TNFSF8: variants seen among roughly 807,000 people sequenced by gnomAD.
TNFSF8 encodes tumor necrosis factor ligand superfamily member 8.
Under a neutral mutation model 22.0 loss-of-function variants are expected in TNFSF8, and 4 were observed. That is an observed-to-expected ratio of 0.18 (90% CI 0.09 to 0.42). The LOEUF is 0.42. Ranked by LOEUF, TNFSF8 falls within the 10% of genes least tolerant of loss-of-function variation. The pLI is 1.00. For missense variants in TNFSF8, 233 were observed against 281.8 expected (o/e 0.83, Z 1.24); for synonymous variants, 106 against 112.5 (o/e 0.94, Z 0.37).
At chr9:114,929,085 C>A (rs1487142142) in intron 1 of TNFSF8, among the ~76,000 whole-genome samples, 3 of 152,176 alleles carry the variant, frequency 2.0e-5, no homozygotes, top group Non-Finnish European at 4.4e-5. Flanking sequence ...TCAAAAAATT[C>A]ATGAGCAATA....
At chr9:114,914,425 G>A (rs912504911) in intron 2 of TNFSF8, among the ~76,000 whole-genome samples, 6 of 152,142 alleles carry the variant, frequency 3.9e-5, no homozygotes, top group African/African-American at 1.4e-4. Flanking sequence ...CTCTGATTTG[G>A]GCAAATAAGC....
intron 4 of TNFSF8, among the ~76,000 whole-genome samples, chr9:114,894,628 A>G (rs561134693): frequency 6.6e-6 from 1 of 152,316 alleles, no homozygotes; most frequent in Non-Finnish European, 1.5e-5. Context: ...CAACATGGGA[A>G]TGGTCATCTC....
At chr9:114,919,230 C>T (rs894135962) in intron 1 of TNFSF8, among the ~76,000 whole-genome samples, 1 of 151,860 alleles carries the variant, frequency 6.6e-6, no homozygotes, top group Non-Finnish European at 1.5e-5. Flanking sequence ...AATATGTATA[C>T]ACATGTAGTA....
intron 2 of TNFSF8, among the ~76,000 whole-genome samples, chr9:114,909,638 T>C (rs748145647): frequency 6.6e-6 from 1 of 152,196 alleles, no homozygotes; most frequent in Non-Finnish European, 1.5e-5. Flanking sequence ...CTGTATAGAC[T>C]CAGCCATCCC....
intron 1 of TNFSF8, among the ~76,000 whole-genome samples, chr9:114,926,854 TTCTTTTC>T (rs1249036548): frequency 6.6e-6 from 1 of 151,350 alleles, no homozygotes; most frequent in African/African-American, 2.4e-5. Context: ...GATTTTTACT[TTCTTTTC>T]TCTTATTTGC....
chr9:114,901,833 C>T lies in TNFSF8; in HGVS notation c.*2098G>A. On this transcript the variant is annotated 3_prime_UTR_variant, in exon 4 of 4. Transcript: ENST00000223795. ...GACCTAGGAGGAGGTTGACACAGCA[C>T]ACTGCTCAGCAGATGACTTAAAATT... is the stretch of plus-strand genomic sequence containing the variant. The T allele has an allele frequency of 1.1e-6, 1 of 951,792 alleles. No individual in the cohort carries two copies. The highest frequency in any genetic ancestry group is 1.3e-6 in the Non-Finnish European group (1 of 799,398). The allele number at this position is 951,792 out of a possible 1,614,324, so 59.0% of individuals were successfully genotyped here.
intron 1 of TNFSF8, among the ~76,000 whole-genome samples, chr9:114,925,177 G>A (rs1032514658): frequency 7.0e-4 from 107 of 152,276 alleles, no homozygotes; most frequent in African/African-American, 2.2e-3. Flanking sequence ...ACTGCTTTAC[G>A]GACAGAAATG....
rs535934031 is a variant in TNFSF8 at position 114,920,916 on chromosome 9, G to A, written c.196-2778C>T. Among the ~76,000 whole-genome samples the A allele has an allele frequency of 3.3e-5, 5 of 152,216 alleles. No homozygotes were observed. The East Asian group carries it at 7.7e-4, about 24-fold the overall frequency. Reference sequence around the variant, plus strand: ...ACTCCTGACCTCTTGTGATCTGCCCGCCTGGGCCTCCCAAAGTGCTGGGAT... The same window carrying A: ...ACTCCTGACCTCTTGTGATCTGCCCACCTGGGCCTCCCAAAGTGCTGGGAT... On this transcript the variant is annotated intron_variant, in intron 1 of 3. Coordinates refer to ENST00000223795, the MANE Select transcript of TNFSF8 (RefSeq NM_001244.4).
At chr9:114,899,019 A>G (rs1827685584), downstream of TNFSF8, among the ~76,000 whole-genome samples, 1 of 152,180 alleles carries the variant, frequency 6.6e-6, no homozygotes, top group Non-Finnish European at 1.5e-5. Flanking sequence ...CTACATCAGC[A>G]GAACGGATGC....
chr9:114,904,036 G>C lies in TNFSF8; in HGVS notation c.600C>G (p.Val200=). The C allele has an allele frequency of 6.2e-7, 1 of 1,614,092 alleles. No individual in the cohort carries two copies. Among genetic ancestry groups the C allele is most frequent in the African/African-American group, 1.3e-5 (1 of 75,036 alleles). The change falls in exon 4 of 4, where the codon GTC becomes GTG. Residue 200 remains valine, a synonymous_variant. Transcript: ENST00000223795. ...LSQFLLDYLQ[V]NTTISVNVDT... ...CCACATTGACTGATATGGTGGTGTT[G>C]ACCTGCAGGTAATCCAGCAAGAATT...
In TNFSF8 at chr9:114,901,349, T is replaced by C. The variant is rs75961167; in HGVS notation, c.*2582A>G. ...TCTTTTTTTGTTTGTTTGGTTACAT[T>C]ATTCATTTAAATGATGTACCCCTTG... On this transcript the variant is annotated 3_prime_UTR_variant, in exon 4 of 4. Coordinates refer to ENST00000223795, the MANE Select transcript of TNFSF8 (RefSeq NM_001244.4). 1.9e-3 allele frequency: 1,920 copies of C among 985,364 alleles called. 32 individuals are homozygous for C. In the African/African-American group the frequency reaches 0.031, roughly 16 times the overall value. The allele number at this position is 985,364 out of a possible 1,614,324, so 61.0% of individuals were successfully genotyped here.
chr9:114,912,180 TA>T (rs1390650790), intron 2 of TNFSF8, among the ~76,000 whole-genome samples: 2 of 152,118 alleles, frequency 1.3e-5, no homozygotes, highest in Non-Finnish European at 2.9e-5. Flanking sequence ...GTGAGAATAA[TA>T]AAATAACTGT....
chr9:114,893,985 G>T, exon 5 of TNFSF8: 1 of 1,044,084 alleles, frequency 9.6e-7, no homozygotes, highest in Non-Finnish European at 1.4e-6. Context: ...TAGGCCCAGA[G>T]TGACTGGTAC....
Position 114,902,584 on chromosome 9 carries a change from C to T in TNFSF8, c.*1347G>A. 1.0e-6 allele frequency: 1 copy of T among 985,412 alleles called. No individual in the cohort carries two copies. Among genetic ancestry groups the T allele is most frequent in the South Asian group, 4.7e-5 (1 of 21,290 alleles). The allele number at this position is 985,412 out of a possible 1,614,324, so 61.0% of individuals were successfully genotyped here. On this transcript the variant is annotated 3_prime_UTR_variant, in exon 4 of 4. Transcript: ENST00000223795. ...CATCCTTGAGATCCTGCTGTTCACA[C>T]CATTCAGCAGGGCACCCTGAACCTT...
At chr9:114,921,582 A>G (rs1827988066) in intron 1 of TNFSF8, among the ~76,000 whole-genome samples, 1 of 152,230 alleles carries the variant, frequency 6.6e-6, no homozygotes, top group Non-Finnish European at 1.5e-5. Flanking sequence ...AATTCAGTGA[A>G]GACTGTTCAT....
chr9:114,901,437 AG>A lies in TNFSF8; in HGVS notation c.*2493del, dbSNP rs1401529464. The A allele has an allele frequency of 9.1e-6, 9 of 985,324 alleles. No homozygotes were observed. The highest frequency in any genetic ancestry group is 1.1e-5 in the Non-Finnish European group (9 of 829,942). 61.0% of individuals were successfully genotyped at this position (985,324 alleles called of 1,614,324 possible). ...GAGACTGAGATTAGAAACCACTCAC[AG>A]TGCAAAAGTCAGGTACCTCTGCTCA... On this transcript the variant is annotated 3_prime_UTR_variant, in exon 4 of 4. Transcript: ENST00000223795.
chr9:114,904,359 A>G (rs774900557), intron 3 of TNFSF8, 34 bp from the exon 4 acceptor site: 16 of 1,552,722 alleles, frequency 1.0e-5, no homozygotes, highest in Non-Finnish European at 1.4e-5. Flanking sequence ...AGAATTATTG[A>G]GAAGATTGTA....
In TNFSF8 at chr9:114,902,853, T is replaced by C. The variant is rs999696276; in HGVS notation, c.*1078A>G. The C allele has an allele frequency of 3.7e-5, 27 of 722,578 alleles. No individual in the cohort carries two copies. The highest frequency in any genetic ancestry group is 4.6e-5 in the Non-Finnish European group (27 of 589,986). 44.8% of individuals were successfully genotyped at this position (722,578 alleles called of 1,614,324 possible). A position where few individuals can be genotyped will look rare whatever the true frequency, so the allele number is the denominator to read the frequency against. ...GAGGGGAAGGTATAGTGAATTCTTA[T>C]AATTTTATGTTGCCTTGGCAACCAT... On this transcript the variant is annotated 3_prime_UTR_variant, in exon 4 of 4. Transcript: ENST00000223795.
chr9:114,904,089 T>C lies in TNFSF8; in HGVS notation c.547A>G (p.Thr183Ala), dbSNP rs745521233. 3.7e-6 allele frequency: 6 copies of C among 1,614,038 alleles called. No homozygotes were observed. Among genetic ancestry groups the C allele is most frequent in the Non-Finnish European group, 5.1e-6 (6 of 1,179,998 alleles). ...GAGAGATTCTGGTATACGTGTTTCG[T>C]TTGCATTCCAGACTCACACACTGTC... ...LVTVCESGMQ[T>A]KHVYQNLSQF... Residue 183 changes from threonine to alanine, a missense_variant, in exon 4 of 4, where the codon ACG (threonine) becomes GCG (alanine). Transcript: ENST00000223795.
Sources: allele counts gnomAD v4.1 joint callset (sites outside exome capture counted in the v4.1 genomes callset), GRCh38; gene constraint gnomAD v4.1.1; transcripts MANE v1.5; gene names NCBI Gene and HGNC (gene_info 2026-07-23, HGNC 2026-07-21).